TLL1: variants seen among roughly 807,000 people sequenced by gnomAD.
The protein encoded by TLL1 is tolloid-like protein 1.
In TLL1, 49 loss-of-function variants were observed where a neutral mutation model predicts 128.2. The ratio of observed to expected loss-of-function variants is 0.38; its 90% CI spans 0.30 to 0.48. The LOEUF is 0.48. TLL1 is among the 20% of genes least tolerant of loss of function. The pLI is 0.96. For synonymous variants in TLL1, 454 were observed against 418.8 expected (o/e 1.08, Z -1.03); for missense variants, 1,123 against 1,242.0 (o/e 0.90, Z 1.44).
chr4:166,009,456 C>T (rs1737582140), intron 7 of TLL1, among the ~76,000 whole-genome samples: 1 of 151,348 alleles, frequency 6.6e-6, no homozygotes, highest in African/African-American at 2.4e-5. Flanking sequence ...TTATTCTATA[C>T]TTTTTTCCAT....
intron 1 of TLL1, among the ~76,000 whole-genome samples, chr4:165,886,803 G>T (rs1384175055): frequency 2.0e-5 from 3 of 152,012 alleles, no homozygotes; most frequent in African/African-American, 4.8e-5. Context: ...TCTGTAGTTG[G>T]TTGAATCTGT....
chr4:165,882,156 A>G (rs1212667416), intron 1 of TLL1, among the ~76,000 whole-genome samples: 1 of 152,188 alleles, frequency 6.6e-6, no homozygotes, highest in Non-Finnish European at 1.5e-5. Context: ...CAAATGCTTG[A>G]AAACTCCTAG....
At chr4:166,061,533 C>T (rs1161816487) in intron 15 of TLL1, among the ~76,000 whole-genome samples, 1 of 152,108 alleles carries the variant, frequency 6.6e-6, no homozygotes, top group Non-Finnish European at 1.5e-5. Flanking sequence ...GCATGAGCTA[C>T]CGTGCCTGGC....
chr4:165,923,049 A>G (rs1480204345), intron 1 of TLL1, among the ~76,000 whole-genome samples: 2 of 152,180 alleles, frequency 1.3e-5, no homozygotes, highest in Admixed American at 1.3e-4. Context: ...TTCTGAGCCA[A>G]AGAATTATAA....
chr4:166,047,334 T>A (rs534041227), intron 12 of TLL1, among the ~76,000 whole-genome samples: 1 of 151,690 alleles, frequency 6.6e-6, no homozygotes, highest in African/African-American at 2.4e-5. Flanking sequence ...CTGGCTAATT[T>A]TTTGTATTTT....
intron 18 of TLL1, among the ~76,000 whole-genome samples, chr4:166,087,333 A>T (rs1169978329): frequency 6.6e-6 from 1 of 152,172 alleles, no homozygotes; most frequent in Non-Finnish European, 1.5e-5. Context: ...ATTATCCATC[A>T]TAAATCCATA....
At chr4:165,911,731 A>G (rs1732541526) in intron 1 of TLL1, among the ~76,000 whole-genome samples, 6 of 151,916 alleles carry the variant, frequency 3.9e-5, no homozygotes, top group Admixed American at 3.9e-4. Flanking sequence ...ATATAACCCT[A>G]CCTTCATGTA....
chr4:166,020,388 A>G lies in TLL1; in HGVS notation c.1043-4928A>G, dbSNP rs79107637. ...CAACAGATGTCCACATAGGGAGGAG[A>G]ATGGTTATTATTACAACACTTCATC... On this transcript the variant is annotated intron_variant, in intron 8 of 20. Transcript: ENST00000061240. 5.4e-3 allele frequency among the ~76,000 whole-genome samples: 826 copies of G among 152,280 alleles called. 5 individuals are homozygous for G. The highest frequency in any genetic ancestry group is 0.018 in the African/African-American group (762 of 41,572).
At chr4:166,006,755 G>A (rs1737452889) in intron 6 of TLL1, among the ~76,000 whole-genome samples, 1 of 151,646 alleles carries the variant, frequency 6.6e-6, no homozygotes, top group Admixed American at 6.6e-5. Context: ...ATTATGTATT[G>A]TGTAAATTCA....
intron 13 of TLL1, 113 bp downstream of exon 13, chr4:166,055,384 T>A: frequency 1.1e-6 from 1 of 919,430 alleles, no homozygotes; most frequent in Non-Finnish European, 1.7e-6. Context: ...TGAATATGAA[T>A]AAGGATATTT....
intron 1 of TLL1, among the ~76,000 whole-genome samples, chr4:165,956,254 A>G (rs757346486): frequency 5.3e-5 from 8 of 152,120 alleles, no homozygotes; most frequent in Non-Finnish European, 1.2e-4. Context: ...AATAGAAAAC[A>G]GGGTTCGAGA....
chr4:165,877,202 G>A (rs922146), intron 1 of TLL1, among the ~76,000 whole-genome samples: 28,403 of 152,160 alleles, frequency 0.19, 3,363 homozygotes, highest in East Asian at 0.35. Context: ...TATAGGGTAG[G>A]AAGGAATCCT....
chr4:165,958,529 A>G (rs1734929118), intron 1 of TLL1, among the ~76,000 whole-genome samples: 3 of 149,958 alleles, frequency 2.0e-5, no homozygotes, highest in Admixed American at 2.0e-4. Context: ...GTGTCTGTTC[A>G]TATCCTTTGC....
At chr4:166,048,243 A>G (rs571216513) in intron 12 of TLL1, among the ~76,000 whole-genome samples, 40 of 151,468 alleles carry the variant, frequency 2.6e-4, no homozygotes, top group African/African-American at 5.1e-4. Flanking sequence ...TCTCGGAAAA[A>G]AAAAAAAAAA....
chr4:166,073,513 A>G (rs1740883649), intron 16 of TLL1, among the ~76,000 whole-genome samples: 1 of 152,058 alleles, frequency 6.6e-6, no homozygotes, highest in East Asian at 1.9e-4. Flanking sequence ...CTTTTTGCTT[A>G]TTCTCGATAA....
At chr4:165,899,075 T>A (rs536404095) in intron 1 of TLL1, among the ~76,000 whole-genome samples, 1 of 152,282 alleles carries the variant, frequency 6.6e-6, no homozygotes, top group East Asian at 1.9e-4. Context: ...AGTGGTAATA[T>A]CCCTTTTGTC....
chr4:165,984,226 A>G (rs1736294575), intron 1 of TLL1, among the ~76,000 whole-genome samples: 1 of 151,828 alleles, frequency 6.6e-6, no homozygotes, highest in Non-Finnish European at 1.5e-5. Flanking sequence ...TTATTTTTCT[A>G]TTGTATCAAG....
chr4:166,050,630 G>T (rs1739671584), intron 12 of TLL1, among the ~76,000 whole-genome samples: 1 of 152,098 alleles, frequency 6.6e-6, no homozygotes, highest in Admixed American at 6.6e-5. Flanking sequence ...TTGGAAATTT[G>T]GTTATCAAAT....
intron 12 of TLL1, among the ~76,000 whole-genome samples, chr4:166,046,503 C>A (rs1398329726): frequency 6.6e-6 from 1 of 152,128 alleles, no homozygotes. Context: ...ACATTTGATC[C>A]TGATTTTGTT....
Sources: gnomAD v4.1 joint callset for allele counts (sites outside exome capture counted in the v4.1 genomes callset) on GRCh38, gnomAD v4.1.1 for gene constraint, MANE v1.5 for transcripts, NCBI Gene and HGNC (gene_info 2026-07-23, HGNC 2026-07-21) for gene names.